Variants in ANKRD2 observed in about 807,000 individuals in gnomAD.
The protein encoded by ANKRD2 is ankyrin repeat domain-containing protein 2.
In ANKRD2, 35 loss-of-function variants were observed where a neutral mutation model predicts 37.3. The observed-to-expected ratio is 0.94, with a 90% CI of 0.72 to 1.24. The LOEUF is 1.24. Among genes scored for constraint, ANKRD2 ranks in the 50% most tolerant of loss-of-function variants. The probability of loss-of-function intolerance (pLI) is 0.00; values close to 1 mark genes in which losing one functional copy is unlikely to be tolerated. For synonymous variants in ANKRD2, 159 were observed against 186.5 expected (o/e 0.85, Z 1.20); for missense variants, 410 against 445.6 (o/e 0.92, Z 0.72).
chr10:97,578,656 A>T (rs1400078344), intron 4 of ANKRD2, 51 bp downstream of exon 4: 10 of 1,396,446 alleles, frequency 7.2e-6, no homozygotes, highest in Admixed American at 2.1e-5. Flanking sequence ...TGCCACCCCC[A>T]CTCCGTTCGG....
intron 2 of ANKRD2, 96 bp from the exon 3 acceptor site, chr10:97,578,144 G>GCCCCCCCCCC: frequency 1.5e-5 from 10 of 685,436 alleles, no homozygotes; most frequent in South Asian, 5.3e-5. Flanking sequence ...GGGTCTTCCT[G>GCCCCCCCCCC]CCCACCCCAC....
rs1209183928 is a variant in ANKRD2 at position 97,583,565 on chromosome 10, G to A, written c.853-11G>A. On this transcript the variant is annotated splice_polypyrimidine_tract_variant and intron_variant, in intron 8 of 8. Coordinates refer to ENST00000370655, the MANE Select transcript of ANKRD2 (RefSeq NM_001346793.2). ...CTTGCCAACCCCCACGCCCCGTCCCGCCCCCTCCAGGCAGGAAAGACCCCG... is the reference window on the plus strand; with the variant it reads ...CTTGCCAACCCCCACGCCCCGTCCCACCCCCTCCAGGCAGGAAAGACCCCG... The A allele has an allele frequency of 5.7e-6, 9 of 1,588,220 alleles. No homozygotes were observed. In the South Asian group the frequency reaches 5.7e-5, roughly 10 times the overall value.
Position 97,578,620 on chromosome 10 carries a change from C to T in ANKRD2, c.456+15C>T, listed in dbSNP as rs1224751974. On this transcript the variant is annotated intron_variant, in intron 4 of 8. Coordinates refer to ENST00000370655, the MANE Select transcript of ANKRD2 (RefSeq NM_001346793.2). ...CGTGCGACCAGGTGATGCTCCTAGC[C>T]GCCCCTGACCAGCCTCCCTGTCAGT... The T allele has an allele frequency of 3.9e-6, 6 of 1,534,578 alleles. No individual in the cohort carries two copies. Among genetic ancestry groups the T allele is most frequent in the East Asian group, 2.4e-5 (1 of 40,912 alleles).
At position 97,578,193 on chromosome 10, in the gene ANKRD2, C is replaced by G. The variant is rs375905470; in HGVS notation, c.190-47C>G. On this transcript the variant is annotated intron_variant, in intron 2 of 8. Coordinates refer to ENST00000370655, the MANE Select transcript of ANKRD2 (RefSeq NM_001346793.2). The stretch of plus-strand genomic sequence containing the variant: ...TTAGCTCAGAGGTCTCCCAAGCCCC[C>G]CAAACTCTCTGCCCGGCCTGGGGGG... The G allele has an allele frequency of 1.3e-5, 20 of 1,591,096 alleles. No individual in the cohort carries two copies. The African/African-American group carries it at 1.3e-4, about 11-fold the overall frequency.
At chr10:97,577,246 C>T (rs1325758526) in intron 1 of ANKRD2, among the ~76,000 whole-genome samples, 1 of 152,028 alleles carries the variant, frequency 6.6e-6, no homozygotes, top group Non-Finnish European at 1.5e-5. Context: ...TCAAGAGATC[C>T]TCCCACCTCA....
At chr10:97,580,433 A>G (rs2040883161) in intron 4 of ANKRD2, among the ~76,000 whole-genome samples, 1 of 152,190 alleles carries the variant, frequency 6.6e-6, no homozygotes, top group Non-Finnish European at 1.5e-5. Flanking sequence ...GAGTCCAGCA[A>G]GACTTGACCT....
intron 5 of ANKRD2, among the ~76,000 whole-genome samples, 180 bp downstream of exon 5, chr10:97,581,133 A>C (rs963347567): frequency 4.6e-5 from 7 of 152,270 alleles, no homozygotes; most frequent in Non-Finnish European, 8.8e-5. Flanking sequence ...ATCCTCTGTG[A>C]GTCTGGCTTG....
chr10:97,574,282 CA>C (rs34161831), intron 1 of ANKRD2, among the ~76,000 whole-genome samples: 80,619 of 138,802 alleles, frequency 0.58, 23,477 homozygotes, highest in Non-Finnish European at 0.69. Flanking sequence ...GACTCCGTCT[CA>C]AAAAAAAAAA....
chr10:97,575,976 C>T (rs1327927337), intron 1 of ANKRD2, among the ~76,000 whole-genome samples: 1 of 151,876 alleles, frequency 6.6e-6, no homozygotes, highest in Non-Finnish European at 1.5e-5. Context: ...GCCAGAGTCC[C>T]ACATGCAGCA....
In ANKRD2 at chr10:97,578,382, C is replaced by G. The variant is rs751301897; in HGVS notation, c.332C>G (p.Pro111Arg). 1.2e-6 allele frequency: 2 copies of G among 1,613,682 alleles called. No individual in the cohort carries two copies. Among genetic ancestry groups the G allele is most frequent in the Non-Finnish European group, 1.7e-6 (2 of 1,179,906 alleles). Residue 111 changes from proline (P) to arginine (R), a missense_variant, in exon 3 of 9, where the codon CCA (proline) becomes CGA (arginine). By Grantham distance (103) the Pro-to-Arg change is moderately radical. Coordinates refer to ENST00000370655, the MANE Select transcript of ANKRD2 (RefSeq NM_001346793.2). Reference sequence around the variant, plus strand: ...CTGGCCGCCTCGCATGAGCCGCCCCCAGAGCCCGAGGAGATCGTAAGGGTC... The same window carrying G: ...CTGGCCGCCTCGCATGAGCCGCCCCGAGAGCCCGAGGAGATCGTAAGGGTC... Reference protein sequence around the residue: ...DALAASHEPPPEPEEITGPVD... With the variant: ...DALAASHEPPREPEEITGPVD...
Position 97,578,327 on chromosome 10 carries a change from AAGAAACGC to A in ANKRD2, c.279_286del (p.Lys94AlafsTer12), listed in dbSNP as rs771863038. On this transcript the variant is annotated frameshift_variant, in exon 3 of 9. Coordinates refer to ENST00000370655, the MANE Select transcript of ANKRD2 (RefSeq NM_001346793.2). LOFTEE classifies it high-confidence loss of function. ...GATCCAGAACCTCATCGAGCTGCGG[AAGAAACGC>A]AAGCAGAAGAAGCGGGACGCTCTGG... 3 of 1,613,370 alleles carry A rather than the reference AAGAAACGC, an allele frequency of 1.9e-6. No homozygotes were observed. The South Asian group carries it at 3.3e-5, about 18-fold the overall frequency.
chr10:97,572,795 G>C lies in ANKRD2; in HGVS notation c.7G>C (p.Gly3Arg). 1 of 1,586,460 alleles carries C rather than the reference G, an allele frequency of 6.3e-7. No homozygotes were observed. The highest frequency in any genetic ancestry group is 8.6e-7 in the Non-Finnish European group (1 of 1,166,806). Residue 3 changes from glycine (G) to arginine (R), a missense_variant, in exon 1 of 9, where the codon GGC (glycine) becomes CGC (arginine). By Grantham distance (125) the Gly-to-Arg change is moderately radical (BLOSUM62 -2). Coordinates refer to ENST00000370655, the MANE Select transcript of ANKRD2 (RefSeq NM_001346793.2). The stretch of plus-strand genomic sequence containing the variant: ...GTGGCCTGCAGAGGCGGTTATGGAC[G>C]GCACCATGGAGGACTCCGAGGCGGT... MD[G>R]TMEDSEAVQR...
chr10:97,578,105 G>A (rs1378532900), intron 2 of ANKRD2, 135 bp from the exon 3 acceptor site: 10 of 1,212,726 alleles, frequency 8.2e-6, no homozygotes, highest in South Asian at 3.1e-5. Flanking sequence ...TGGAAGGAGG[G>A]ATAGACCTTG....
chr10:97,572,484 C>T (rs2040769473), upstream of ANKRD2: 2 of 544,430 alleles, frequency 3.7e-6, no homozygotes, highest in Admixed American at 3.2e-5. Flanking sequence ...AACTCAGTTG[C>T]CTTGGCTAAG....
intron 2 of ANKRD2, 44 bp from the exon 3 acceptor site, chr10:97,578,196 A>G (rs779594839): frequency 1.5e-6 from 2 of 1,332,320 alleles, no homozygotes; most frequent in East Asian, 4.8e-5. Flanking sequence ...AAGCCCCCCA[A>G]ACTCTCTGCC....
rs1049233988 is a variant in ANKRD2, at chr10:97,572,843, G to A, written c.55G>A (p.Glu19Lys). Residue 19 changes from glutamate to lysine, a missense_variant, in exon 1 of 9, where the codon GAG becomes AAG. By Grantham distance (56) the Glu-to-Lys change is moderately conservative (BLOSUM62 1). Coordinates refer to ENST00000370655, the MANE Select transcript of ANKRD2 (RefSeq NM_001346793.2). Reference sequence around the variant, plus strand: ...GGTGCAGAGGGCCACAGCGCTCATCGAGCAGCGGCTGGCACAGGAGGAGGA... The same window carrying A: ...GGTGCAGAGGGCCACAGCGCTCATCAAGCAGCGGCTGGCACAGGAGGAGGA... ...EAVQRATALI[E>K]QRLAQEEENE... is the part of the protein sequence containing the mutation. The A allele has an allele frequency of 5.1e-6, 8 of 1,558,304 alleles. 1 individual carries two copies. The highest frequency in any genetic ancestry group is 2.4e-5 in the South Asian group (2 of 84,544).
intron 1 of ANKRD2, among the ~76,000 whole-genome samples, chr10:97,574,497 A>T (rs796269143): frequency 2.0e-5 from 3 of 152,146 alleles, no homozygotes; most frequent in East Asian, 3.9e-4. Flanking sequence ...CATGTAAAAG[A>T]TATTTATTCT....
At chr10:97,582,828 A>G (rs986141396) in intron 8 of ANKRD2, 126 bp downstream of exon 8, 1 of 767,478 alleles carries the variant, frequency 1.3e-6, no homozygotes, top group Non-Finnish European at 2.2e-6. Context: ...GCACCATAGT[A>G]CATAAACTTG....
intron 4 of ANKRD2, 138 bp from the exon 5 acceptor site, chr10:97,580,716 TG>T: frequency 1.5e-6 from 1 of 652,858 alleles, no homozygotes; most frequent in Non-Finnish European, 2.6e-6. Flanking sequence ...ATAAGGGAGC[TG>T]GCAGAACACA....
Sources: gnomAD v4.1 joint callset for allele counts (sites outside exome capture counted in the v4.1 genomes callset) on GRCh38, gnomAD v4.1.1 for gene constraint, MANE v1.5 for transcripts, NCBI Gene and HGNC (gene_info 2026-07-23, HGNC 2026-07-21) for gene names.